Variants in ZNF730 observed in about 807,000 individuals in gnomAD.
The protein encoded by ZNF730 is zinc finger protein 730, also known as putative zinc finger protein 730.
ZNF730 carries 12 observed loss-of-function variants against 12.6 expected under a neutral mutation model. That is an observed-to-expected ratio of 0.95 (90% CI 0.61 to 1.54). The LOEUF (loss-of-function observed/expected upper bound fraction) is 1.54, where lower values mean the gene tolerates loss of function less well. Ranked by LOEUF, ZNF730 falls within the 40% of genes most tolerant of loss-of-function variation. ZNF730 has a pLI of 0.00. For missense variants in ZNF730, 643 were observed against 583.5 expected, an observed-to-expected ratio of 1.10 and a Z score of -1.05; for synonymous variants, 194 against 195.8, an observed-to-expected ratio of 0.99 and a Z score of 0.08.
At chr19:23,094,245 C>T (rs1970208061) in intron 1 of ZNF730, among the ~76,000 whole-genome samples, 1 of 150,902 alleles carries the variant, frequency 6.6e-6, no homozygotes, top group African/African-American at 2.4e-5. Context: ...TATGCTCCTT[C>T]CTGCATACTG....
chr19:23,131,908 G>C (rs972014684), intron 1 of ZNF730, among the ~76,000 whole-genome samples: 4 of 152,130 alleles, frequency 2.6e-5, no homozygotes, highest in Admixed American at 2.6e-4. Context: ...TCAAGTATGA[G>C]GGTTCAAGAT....
At chr19:23,089,220 T>G (rs1281181691) in intron 1 of ZNF730, among the ~76,000 whole-genome samples, 1 of 152,060 alleles carries the variant, frequency 6.6e-6, no homozygotes, top group East Asian at 1.9e-4. Context: ...ATCGTATTTC[T>G]TTTTTCCTAT....
intron 3 of ZNF730, among the ~76,000 whole-genome samples, chr19:23,142,417 C>CAAGA (rs1970935227): frequency 6.7e-6 from 1 of 148,150 alleles, no homozygotes; most frequent in Admixed American, 6.8e-5. Context: ...GGCGCGGTGG[C>CAAGA]TCACTCCTGT....
chr19:23,087,909 A>G (rs1237634977), intron 1 of ZNF730, among the ~76,000 whole-genome samples: 4 of 151,580 alleles, frequency 2.6e-5, no homozygotes, highest in African/African-American at 4.8e-5. Flanking sequence ...CACCACACTC[A>G]GCCTAGATGC....
chr19:23,121,038 T>C (rs1381316208), intron 1 of ZNF730, among the ~76,000 whole-genome samples: 1 of 152,264 alleles, frequency 6.6e-6, no homozygotes, highest in African/African-American at 2.4e-5. Context: ...GAATTATATA[T>C]TTATCAAGCT....
intron 1 of ZNF730, among the ~76,000 whole-genome samples, chr19:23,086,396 TGTTACCTAG>T (rs1305538790): frequency 5.9e-5 from 9 of 152,200 alleles, no homozygotes; most frequent in Admixed American, 2.6e-4. Context: ...TCCTGAATCA[TGTTACCTAG>T]GTTGTCTTTC....
chr19:23,126,916 G>T, intron 1 of ZNF730: 1 of 524,400 alleles, frequency 1.9e-6, no homozygotes, highest in South Asian at 1.5e-5. Context: ...TATTTTTAAG[G>T]GTCAGAAAGT....
chr19:23,128,109 T>G (rs929632546), intron 1 of ZNF730: 28 of 867,528 alleles, frequency 3.2e-5, no homozygotes, highest in Middle Eastern at 3.0e-4. Context: ...GCTATTTGGA[T>G]GTAGGCCTTG....
At chr19:23,086,713 T>A (rs1970069104) in intron 1 of ZNF730, among the ~76,000 whole-genome samples, 2 of 152,176 alleles carry the variant, frequency 1.3e-5, no homozygotes, top group African/African-American at 4.8e-5. Context: ...GAAAGTCGGG[T>A]AGTGTGATGC....
chr19:23,143,805 C>A (rs983966822), intron 3 of ZNF730: 17 of 152,238 alleles, frequency 1.1e-4, no homozygotes, highest in African/African-American at 3.8e-4. Flanking sequence ...CTGGTTATAT[C>A]GTAAGACTAT....
intron 1 of ZNF730, among the ~76,000 whole-genome samples, chr19:23,082,545 C>T (rs954326956): frequency 6.6e-6 from 1 of 152,086 alleles, no homozygotes; most frequent in African/African-American, 2.4e-5. Context: ...CAGGGTTTCA[C>T]CATGTTGCCC....
intron 1 of ZNF730, among the ~76,000 whole-genome samples, chr19:23,076,861 A>T (rs1969870648): frequency 6.6e-6 from 1 of 152,196 alleles, no homozygotes; most frequent in Admixed American, 6.5e-5. Context: ...AATATAAATC[A>T]TTCTACTATA....
intron 1 of ZNF730, among the ~76,000 whole-genome samples, chr19:23,106,791 C>CAA (rs538343920): frequency 1.9e-4 from 12 of 63,570 alleles, no homozygotes; most frequent in East Asian, 5.7e-4. Flanking sequence ...AACTGCGTCT[C>CAA]AAAAAAAAAA....
At chr19:23,143,457 A>G (rs1016274106) in intron 3 of ZNF730, 3 of 152,188 alleles carry the variant, frequency 2.0e-5, no homozygotes, top group African/African-American at 7.2e-5. Context: ...TTTCTGCACC[A>G]TTATGATAAT....
intron 3 of ZNF730, among the ~76,000 whole-genome samples, chr19:23,141,132 C>A (rs963751506): frequency 2.0e-5 from 3 of 152,046 alleles, no homozygotes; most frequent in Non-Finnish European, 2.9e-5. Context: ...TGGTGGCTCA[C>A]GCCTGTAATC....
chr19:23,146,495 A>G lies in ZNF730; in HGVS notation c.1451A>G (p.Glu484Gly), dbSNP rs1252022512. ...GGGGAAAAAATCTACAAATGTAAAGAATGTGGTAAAGCCTTTAGGCGGTTC... is the reference window on the plus strand; with the variant it reads ...GGGGAAAAAATCTACAAATGTAAAGGATGTGGTAAAGCCTTTAGGCGGTTC... ...HSGEKIYKCK[E>G]CGKAFRRFSH... Residue 484 changes from glutamate (E) to glycine (G), a missense_variant, in exon 4 of 4, where the codon GAA (glutamate) becomes GGA (glycine). Physicochemically the swap from Glu to Gly is moderately conservative, Grantham distance 98. Transcript: ENST00000597761. 6.3e-7 allele frequency: 1 copy of G among 1,599,824 alleles called. No homozygotes were observed. The highest frequency in any genetic ancestry group is 1.3e-5 in the African/African-American group (1 of 74,498).
rs71163442 is a variant in ZNF730 at position 23,077,424 on chromosome 19, C to CTTTTT, written c.-94+2064_-94+2068dup. On this transcript the variant is annotated intron_variant, in intron 1 of 2. Transcript: ENST00000593635. ...AGCTTTTCCCATAATTCCCTAAGAG[C>CTTTTT]TTTTTTTTTTTTTTTTTTTTTTTTT... 1.2e-3 allele frequency among the ~76,000 whole-genome samples: 54 copies of CTTTTT among 45,570 alleles called. 4 individuals carry two copies. The highest frequency in any genetic ancestry group is 7.1e-3 in the East Asian group (8 of 1,120). 29.9% of individuals were successfully genotyped at this position (45,570 alleles called of 152,430 possible).
chr19:23,111,344 C>G (rs1314260233), intron 1 of ZNF730, among the ~76,000 whole-genome samples: 1 of 152,068 alleles, frequency 6.6e-6, no homozygotes, highest in African/African-American at 2.4e-5. Flanking sequence ...TTTTCTCATG[C>G]AAGAGGGTTG....
intron 1 of ZNF730, among the ~76,000 whole-genome samples, chr19:23,109,582 A>C (rs1970437459): frequency 6.6e-6 from 1 of 151,590 alleles, no homozygotes; most frequent in Non-Finnish European, 1.5e-5. Flanking sequence ...TTGTATTTTT[A>C]GTAGAGATGG....
Sources: gnomAD v4.1 joint callset for allele counts (sites outside exome capture counted in the v4.1 genomes callset) on GRCh38, gnomAD v4.1.1 for gene constraint, MANE v1.5 for transcripts, NCBI Gene and HGNC (gene_info 2026-07-23, HGNC 2026-07-21) for gene names.